The following ZNF560 variants were observed in gnomAD, a reference collection of about 807,000 sequenced individuals.
ZNF560 encodes the protein zinc finger protein 560.
In ZNF560, 54 loss-of-function variants were observed where a neutral mutation model predicts 81.8. That is an observed-to-expected ratio of 0.66 (90% CI 0.53 to 0.83). The LOEUF (loss-of-function observed/expected upper bound fraction) is 0.83, where lower values mean the gene tolerates loss of function less well. Ranked by LOEUF, ZNF560 falls within the 40% of genes least tolerant of loss-of-function variation. The probability of loss-of-function intolerance (pLI) is 0.00; values close to 1 mark genes in which losing one functional copy is unlikely to be tolerated. For missense variants in ZNF560, 940 were observed against 932.4 expected (o/e 1.01, Z -0.11); for synonymous variants, 321 against 317.9 (o/e 1.01, Z -0.10).
chr19:9,499,542 T>C (rs1033802666), upstream of ZNF560, among the ~76,000 whole-genome samples: 4 of 152,166 alleles, frequency 2.6e-5, no homozygotes, highest in African/African-American at 9.7e-5. Context: ...TTTGTTACTA[T>C]TTCTCAAATC....
upstream of ZNF560, among the ~76,000 whole-genome samples, chr19:9,500,749 G>T (rs1376980815): frequency 2.0e-5 from 3 of 151,932 alleles, no homozygotes; most frequent in Admixed American, 6.6e-5. Context: ...TAATTTTTTT[G>T]TATTTTTAGT....
At chr19:9,461,945 T>C (rs1283857331), downstream of ZNF560, among the ~76,000 whole-genome samples, 2 of 152,232 alleles carry the variant, frequency 1.3e-5, no homozygotes, top group Non-Finnish European at 2.9e-5. Context: ...ATAAATCCTA[T>C]GAAATGCATA....
the ZNF560 span, among the ~76,000 whole-genome samples, chr19:9,504,804 C>T: frequency 9.9e-5 from 15 of 152,100 alleles, no homozygotes; most frequent in African/African-American, 3.6e-4. Context: ...GACAGAGTCT[C>T]GGCTGGGCAC....
At chr19:9,457,056 A>T in the ZNF560 span, among the ~76,000 whole-genome samples, 1 of 152,234 alleles carries the variant, frequency 6.6e-6, no homozygotes, top group South Asian at 2.1e-4. Flanking sequence ...GCCAATATGG[A>T]TAGAACAGTG....
Position 9,469,836 on chromosome 19 carries a change from T to C in ZNF560, c.449-126A>G, listed in dbSNP as rs559627961. On this transcript the variant is annotated intron_variant, in intron 7 of 9. Transcript: ENST00000301480. ...GCACTTAAATTGCATATATCCCATC[T>C]TTCTGTTCTCTGAAGACACTGGTTA... The C allele has an allele frequency of 1.0e-3, 753 of 721,946 alleles. 2 individuals are homozygous for C. Among genetic ancestry groups the C allele is most frequent in the Non-Finnish European group, 1.7e-3 (699 of 411,664 alleles). 44.7% of individuals were successfully genotyped at this position (721,946 alleles called of 1,614,324 possible). A position where few individuals can be genotyped will look rare whatever the true frequency, so the allele number is the denominator to read the frequency against.
the ZNF560 span, among the ~76,000 whole-genome samples, chr19:9,457,070 G>T: frequency 6.6e-6 from 1 of 152,148 alleles, no homozygotes; most frequent in Non-Finnish European, 1.5e-5. Flanking sequence ...AACAGTGGCC[G>T]CTGAGTAAAG....
At chr19:9,466,252 A>G (rs749405451), downstream of ZNF560, among the ~76,000 whole-genome samples, 6 of 151,860 alleles carry the variant, frequency 4.0e-5, no homozygotes, top group East Asian at 1.9e-4. Context: ...AGACTAAAGC[A>G]GGAGAATTGC....
At position 9,489,833 on chromosome 19, in the gene ZNF560, G is replaced by A. The variant is rs186676106; in HGVS notation, c.-57+8295C>T. ...TCTCAATCTCCTGACCTCATGATCC[G>A]CCCACCTCAGCCTCCCAAAGTGCTG... On this transcript the variant is annotated intron_variant, in intron 2 of 9. Coordinates refer to ENST00000301480, the MANE Select transcript of ZNF560 (RefSeq NM_152476.3). 1.1e-3 allele frequency among the ~76,000 whole-genome samples: 173 copies of A among 152,158 alleles called. 1 individual carries two copies. Among genetic ancestry groups the A allele is most frequent in the African/African-American group, 3.8e-3 (159 of 41,510 alleles).
intron 2 of ZNF560, among the ~76,000 whole-genome samples, chr19:9,477,796 C>A (rs116241291): frequency 0.012 from 1,865 of 151,732 alleles, 40 homozygotes; most frequent in African/African-American, 0.043. Context: ...CAATTGAGAT[C>A]ATCAACAGTA....
intron 2 of ZNF560, among the ~76,000 whole-genome samples, chr19:9,475,627 G>T (rs1343719082): frequency 4.2e-5 from 6 of 143,274 alleles, no homozygotes; most frequent in Non-Finnish European, 3.0e-5. Context: ...TTTTTTTGGA[G>T]ATGGAGTTTC....
chr19:9,447,059 G>A, the ZNF560 span, among the ~76,000 whole-genome samples: 1 of 151,284 alleles, frequency 6.6e-6, no homozygotes, highest in Non-Finnish European at 1.5e-5. Context: ...GCTTGAACCT[G>A]GGAGGCGGAG....
chr19:9,450,290 C>A, the ZNF560 span, among the ~76,000 whole-genome samples: 12 of 146,710 alleles, frequency 8.2e-5, no homozygotes, highest in African/African-American at 1.0e-4. Flanking sequence ...GACTTTGTCT[C>A]AAAAAAAAAA....
At chr19:9,494,707 C>G (rs9305089) in intron 2 of ZNF560, among the ~76,000 whole-genome samples, 91,451 of 150,592 alleles carry the variant, frequency 0.61, 27,819 homozygotes, top group South Asian at 0.7. Context: ...CTGCACTCCA[C>G]CCTGGGCGAC....
chr19:9,493,680 G>A (rs1038614776), intron 2 of ZNF560, among the ~76,000 whole-genome samples: 4 of 152,158 alleles, frequency 2.6e-5, no homozygotes, highest in South Asian at 2.1e-4. Flanking sequence ...TGATTGTTAC[G>A]TATACATGTT....
intron 2 of ZNF560, among the ~76,000 whole-genome samples, chr19:9,485,777 C>G (rs1357288816): frequency 6.6e-6 from 1 of 152,060 alleles, no homozygotes; most frequent in Admixed American, 6.5e-5. Flanking sequence ...CTCAAGTGAT[C>G]CTCCCGCTTC....
At position 9,478,856 on chromosome 19, in the gene ZNF560, TA is replaced by T. The variant is rs140712771; in HGVS notation, c.-56-3488del. On this transcript the variant is annotated intron_variant, in intron 2 of 9. Transcript: ENST00000301480. ...TAGACAAAGGAAGAAACAAAGAATA[TA>T]AAAAAAAACCCCACAAAACTTAACG... is the stretch of plus-strand genomic sequence containing the variant. Among the ~76,000 whole-genome samples, 7 of 150,648 alleles carry T rather than the reference TA, an allele frequency of 4.6e-5. No individual in the cohort carries two copies. The East Asian group carries it at 9.7e-4, about 21-fold the overall frequency.
intron 7 of ZNF560, chr19:9,469,988 AC>A (rs1338127920): frequency 1.1e-5 from 5 of 456,160 alleles, no homozygotes; most frequent in Non-Finnish European, 1.9e-5. Flanking sequence ...TCTAAAAACC[AC>A]TAAAACCTTT....
At chr19:9,468,465 A>G (rs2073069745) in intron 9 of ZNF560, 131 bp from the exon 10 acceptor site, 1 of 655,700 alleles carries the variant, frequency 1.5e-6, no homozygotes, top group Non-Finnish European at 2.4e-6. Context: ...TACCTTTTGG[A>G]TTTCCTTCAA....
At chr19:9,453,208 C>T in the ZNF560 span, among the ~76,000 whole-genome samples, 1 of 152,284 alleles carries the variant, frequency 6.6e-6, no homozygotes, top group East Asian at 1.9e-4. Flanking sequence ...GAAAGCAGCA[C>T]TCTACAAGCC....
Sources: gnomAD v4.1 joint callset for allele counts (sites outside exome capture counted in the v4.1 genomes callset) on GRCh38, gnomAD v4.1.1 for gene constraint, MANE v1.5 for transcripts, NCBI Gene and HGNC (gene_info 2026-07-23, HGNC 2026-07-21) for gene names.